Variants in RANBP17 observed in about 807,000 individuals in gnomAD.
The protein encoded by RANBP17 is RAN binding protein 17.
A neutral mutation model predicts 141.2 loss-of-function variants in RANBP17; 158 were observed. That is an observed-to-expected ratio of 1.12 (90% CI 0.98 to 1.28). The LOEUF (loss-of-function observed/expected upper bound fraction) is 1.28. RANBP17 is among the 50% of genes most tolerant of loss of function. The pLI is 0.00. For synonymous variants in RANBP17, 430 were observed against 450.0 expected (o/e 0.96, Z 0.56); for missense variants, 1,438 against 1,290.7 (o/e 1.11, Z -1.75).
intron 13 of RANBP17, among the ~76,000 whole-genome samples, chr5:170,967,093 A>G (rs988043035): frequency 3.3e-5 from 5 of 152,080 alleles, no homozygotes; most frequent in African/African-American, 4.8e-5. Context: ...ATGGAATGTT[A>G]AGCAGCTTCA....
At chr5:171,156,050 C>G (rs1344311283) in intron 14 of RANBP17, among the ~76,000 whole-genome samples, 2 of 152,044 alleles carry the variant, frequency 1.3e-5, no homozygotes, top group Non-Finnish European at 2.9e-5. Flanking sequence ...AAATAGCTTA[C>G]TTTCATTAAG....
chr5:171,249,074 C>T (rs1471475058), intron 24 of RANBP17, among the ~76,000 whole-genome samples: 1 of 152,190 alleles, frequency 6.6e-6, no homozygotes, highest in Non-Finnish European at 1.5e-5. Context: ...AGACTGAGAC[C>T]TGCCTGGTTT....
At chr5:170,918,428 A>ACACACACACACACC (rs1554134261) in intron 9 of RANBP17, 1 of 228,790 alleles carries the variant, frequency 4.4e-6, no homozygotes, top group African/African-American at 2.3e-5. Flanking sequence ...ACACACACAC[A>ACACACACACACACC]ACTTTTGTGT....
intron 16 of RANBP17, among the ~76,000 whole-genome samples, chr5:171,174,751 AGTGTGTGTGTGTGT>A (rs57948503): frequency 5.2e-5 from 7 of 135,620 alleles, no homozygotes; most frequent in Non-Finnish European, 6.3e-5. Context: ...AAATATCTAG[AGTGTGTGTGTGTGT>A]GTGTGTGTGT....
At chr5:170,931,267 T>C (rs1184471510) in intron 12 of RANBP17, among the ~76,000 whole-genome samples, 2 of 152,230 alleles carry the variant, frequency 1.3e-5, no homozygotes. Flanking sequence ...TGTTTGATTT[T>C]TTCTTGTAAA....
rs1309131270 is a variant in RANBP17, at chr5:171,087,595, G to T, written c.1711-82535G>T. Among the ~76,000 whole-genome samples the T allele has an allele frequency of 4.0e-5, 6 of 151,888 alleles. No homozygotes were observed. The East Asian group carries it at 1.2e-3, about 29-fold the overall frequency. ...AGTCTCCCATTATTAATGTGTGGGA[G>T]TCTAAGTCTCTTTGTAGGTCACTCA... On this transcript the variant is annotated intron_variant, in intron 14 of 27. Transcript: ENST00000523189.
intron 14 of RANBP17, among the ~76,000 whole-genome samples, chr5:171,123,608 C>A (rs1276717544): frequency 6.6e-6 from 1 of 152,264 alleles, no homozygotes; most frequent in Non-Finnish European, 1.5e-5. Flanking sequence ...ACCATTGGCA[C>A]CCACGTGCAT....
intron 16 of RANBP17, among the ~76,000 whole-genome samples, chr5:171,182,531 T>G (rs1760929347): frequency 6.6e-6 from 1 of 152,226 alleles, no homozygotes; most frequent in Non-Finnish European, 1.5e-5. Context: ...TCTTAGCTCC[T>G]GTTTCATTAT....
intron 14 of RANBP17, among the ~76,000 whole-genome samples, chr5:171,023,060 A>G (rs1376400943): frequency 6.6e-6 from 1 of 152,202 alleles, no homozygotes; most frequent in Non-Finnish European, 1.5e-5. Context: ...ATGGGCCACT[A>G]CACCACATTG....
chr5:171,100,178 G>A (rs1022832141), intron 14 of RANBP17, among the ~76,000 whole-genome samples: 2 of 152,168 alleles, frequency 1.3e-5, no homozygotes, highest in Admixed American at 1.3e-4. Context: ...CAGAAGGAAT[G>A]GTACCAGCTC....
chr5:171,056,607 C>G (rs1783393504), intron 14 of RANBP17, among the ~76,000 whole-genome samples: 1 of 152,102 alleles, frequency 6.6e-6, no homozygotes, highest in Non-Finnish European at 1.5e-5. Context: ...TTATATTTGA[C>G]AGTGTTTCTT....
intron 12 of RANBP17, among the ~76,000 whole-genome samples, chr5:170,939,073 A>G (rs574209489): frequency 2.7e-4 from 41 of 151,118 alleles, no homozygotes; most frequent in African/African-American, 9.7e-4. Flanking sequence ...TGATAACTCA[A>G]CTTCTCAACA....
At chr5:171,065,547 G>C (rs1161876761) in intron 14 of RANBP17, among the ~76,000 whole-genome samples, 1 of 151,956 alleles carries the variant, frequency 6.6e-6, no homozygotes, top group African/African-American at 2.4e-5. Flanking sequence ...AACAGGCTAT[G>C]GACTGGTACC....
At chr5:171,097,611 A>T (rs1031987752) in intron 14 of RANBP17, among the ~76,000 whole-genome samples, 16 of 81,232 alleles carry the variant, frequency 2.0e-4, no homozygotes, top group African/African-American at 6.1e-4. Flanking sequence ...TAGTCTTTTT[A>T]TTATTATTAT....
rs559600973 is a variant in RANBP17 at position 171,174,042 on chromosome 5, C to T, written c.1865+2756C>T. 1.6e-4 allele frequency among the ~76,000 whole-genome samples: 25 copies of T among 152,242 alleles called. No individual in the cohort carries two copies. The South Asian group carries it at 5.0e-3, about 30-fold the overall frequency. ...CCAGATTGTAACTGGATGACTGTTG[C>T]ATTTTACCCCAGAATTGCTGTTTGC... On this transcript the variant is annotated intron_variant, in intron 16 of 27. Transcript: ENST00000523189.
intron 14 of RANBP17, among the ~76,000 whole-genome samples, chr5:171,143,052 T>C (rs1257585211): frequency 6.6e-6 from 1 of 152,232 alleles, no homozygotes; most frequent in Non-Finnish European, 1.5e-5. Flanking sequence ...TTAATGATTG[T>C]CACAAATCAC....
intron 24 of RANBP17, among the ~76,000 whole-genome samples, chr5:171,257,360 A>T (rs1294723451): frequency 6.6e-6 from 1 of 152,214 alleles, no homozygotes; most frequent in Admixed American, 6.5e-5. Context: ...AAAATCCAGC[A>T]TCCTTCCTGA....
intron 25 of RANBP17, among the ~76,000 whole-genome samples, chr5:171,287,920 T>C (rs1768270724): frequency 6.6e-6 from 1 of 152,150 alleles, no homozygotes; most frequent in Admixed American, 6.5e-5. Context: ...TGAATTTTTT[T>C]CTCCTGTTTC....
chr5:170,942,051 G>C (rs970718270), intron 12 of RANBP17, among the ~76,000 whole-genome samples: 3 of 152,196 alleles, frequency 2.0e-5, no homozygotes, highest in Admixed American at 1.3e-4. Flanking sequence ...CCTCCTGTCA[G>C]ATCAGCAGCG....
Sources: allele counts gnomAD v4.1 joint callset (sites outside exome capture counted in the v4.1 genomes callset), GRCh38; gene constraint gnomAD v4.1.1; transcripts MANE v1.5; gene names NCBI Gene and HGNC (gene_info 2026-07-23, HGNC 2026-07-21).